Variants in PHF12 observed in about 807,000 individuals in gnomAD.
The protein encoded by PHF12 is PHD finger protein 12, also known as PHD factor 1.
Under a neutral mutation model 99.8 loss-of-function variants are expected in PHF12, and 6 were observed. That is an observed-to-expected ratio of 0.06 (90% CI 0.03 to 0.12). The LOEUF (loss-of-function observed/expected upper bound fraction) is 0.12. Among genes scored for constraint, PHF12 ranks in the 10% least tolerant of loss-of-function variants. PHF12 has a pLI of 1.00. For missense variants in PHF12, 954 were observed against 1,300.1 expected (o/e 0.73, Z 4.09); for synonymous variants, 480 against 514.9 (o/e 0.93, Z 0.92).
chr17:28,943,823 T>C (rs898640403), intron 2 of PHF12, among the ~76,000 whole-genome samples: 2 of 152,234 alleles, frequency 1.3e-5, no homozygotes, highest in Non-Finnish European at 2.9e-5. Flanking sequence ...AATGTAAGTA[T>C]TGATAAATGC....
At chr17:28,923,241 G>A (rs116637408) in intron 4 of PHF12, among the ~76,000 whole-genome samples, 34 of 152,316 alleles carry the variant, frequency 2.2e-4, no homozygotes, top group African/African-American at 7.7e-4. Flanking sequence ...GTGGTTACCT[G>A]TGAAGAGCAG....
chr17:28,939,462 A>G (rs2040572998), intron 2 of PHF12, among the ~76,000 whole-genome samples: 2 of 152,230 alleles, frequency 1.3e-5, no homozygotes, highest in African/African-American at 4.8e-5. Flanking sequence ...CCAGTAATTG[A>G]TGACTGCTAA....
intron 4 of PHF12, among the ~76,000 whole-genome samples, chr17:28,923,340 T>C (rs1321666465): frequency 9.2e-6 from 1 of 108,350 alleles, no homozygotes; most frequent in African/African-American, 3.7e-5. Flanking sequence ...ACCATGTGAA[T>C]GTATAATACT....
intron 4 of PHF12, among the ~76,000 whole-genome samples, chr17:28,923,106 A>G (rs1291708061): frequency 3.3e-5 from 5 of 151,282 alleles, no homozygotes; most frequent in Admixed American, 1.3e-4. Context: ...TTAAAGTGAG[A>G]AAAAAAAAGC....
chr17:28,929,631 CCT>C (rs1337455118), intron 2 of PHF12: 1 of 152,188 alleles, frequency 6.6e-6, no homozygotes, highest in Non-Finnish European at 1.5e-5. Context: ...TTCTTAGCTC[CCT>C]GTTTCCCCAG....
At chr17:28,916,175 G>T (rs571117254) in intron 7 of PHF12, among the ~76,000 whole-genome samples, 1 of 152,316 alleles carries the variant, frequency 6.6e-6, no homozygotes, top group East Asian at 1.9e-4. Context: ...GATACCCACT[G>T]AAGGTGATGG....
At chr17:28,924,678 C>G (rs532161777) in intron 3 of PHF12, 1 of 310,406 alleles carries the variant, frequency 3.2e-6, no homozygotes, top group Non-Finnish European at 6.2e-6. Context: ...GGGGCAGGCA[C>G]GGTGGCTCAC....
rs189843391 is a variant in PHF12 at position 28,928,464 on chromosome 17, C to G, written c.249-1401G>C. 4.7e-3 allele frequency among the ~76,000 whole-genome samples: 713 copies of G among 152,296 alleles called. 10 individuals are homozygous for G. Among genetic ancestry groups the G allele is most frequent in the African/African-American group, 0.016 (669 of 41,566 alleles). On this transcript the variant is annotated intron_variant, in intron 2 of 14. Coordinates refer to ENST00000332830, the MANE Select transcript of PHF12 (RefSeq NM_001033561.2). Reference sequence around the variant, plus strand: ...ACTTCTCATGCTTTGCCCATTTCAGCAGTTCTCTTACTTATTTTATTAGAG... The same window carrying G: ...ACTTCTCATGCTTTGCCCATTTCAGGAGTTCTCTTACTTATTTTATTAGAG...
chr17:28,913,163 T>C lies in PHF12; in HGVS notation c.1408A>G (p.Ile470Val), dbSNP rs767984334. Residue 470 changes from isoleucine (I) to valine (V), a missense_variant, in exon 9 of 15, where the codon ATT becomes GTT. Ile to Val is a conservative substitution (Grantham distance 29). Transcript: ENST00000332830. ...GTGGTGACTGAGCTGTCAGTCACAA[T>C]AACAGGCTTAATATCAGCCTTCTCT... ...QTEKADIKPV[I>V]VTDSSVTTSL... The C allele has an allele frequency of 3.1e-6, 5 of 1,614,162 alleles. No homozygotes were observed. The highest frequency in any genetic ancestry group is 4.2e-6 in the Non-Finnish European group (5 of 1,180,018).
At chr17:28,911,305 G>A in intron 9 of PHF12, 68 bp from the exon 10 acceptor site, 1 of 1,594,156 alleles carries the variant, frequency 6.3e-7, no homozygotes, top group Middle Eastern at 2.0e-4. Flanking sequence ...ATCCCCCACT[G>A]CTGAGACAGG....
At chr17:28,931,857 C>T (rs979001322) in intron 2 of PHF12, among the ~76,000 whole-genome samples, 2 of 152,112 alleles carry the variant, frequency 1.3e-5, no homozygotes, top group Non-Finnish European at 2.9e-5. Flanking sequence ...ACTGGGATTA[C>T]AGGTGTGAGC....
At chr17:28,915,532 G>C (rs1398284855) in intron 7 of PHF12, among the ~76,000 whole-genome samples, 1 of 152,108 alleles carries the variant, frequency 6.6e-6, no homozygotes, top group African/African-American at 2.4e-5. Context: ...CCATGGGCTG[G>C]TGATGGCCTT....
chr17:28,912,048 C>T, intron 9 of PHF12: 1 of 965,838 alleles, frequency 1.0e-6, no homozygotes, highest in Non-Finnish European at 1.2e-6. Flanking sequence ...TGAGAATATG[C>T]ATCAGGCATG....
Position 28,951,098 on chromosome 17 carries a change from TC to T in PHF12, c.-139del, listed in dbSNP as rs1312602657. The T allele has an allele frequency of 1.0e-5, 15 of 1,447,400 alleles. No individual in the cohort carries two copies. Among genetic ancestry groups the T allele is most frequent in the East Asian group, 7.7e-5 (3 of 38,846 alleles). The allele number at this position is 1,447,400 out of a possible 1,614,324, so 89.7% of individuals were successfully genotyped here. On this transcript the variant is annotated 5_prime_UTR_variant, in exon 1 of 15. Transcript: ENST00000332830. ...CGGGTCCCGACTTCCTCGCCCTGGC[TC>T]CCCCCCACCCCCCGGCCCCCAGTCC...
chr17:28,921,298 G>GACT (rs2040159778), intron 5 of PHF12, among the ~76,000 whole-genome samples: 3 of 152,136 alleles, frequency 2.0e-5, no homozygotes, highest in Admixed American at 1.3e-4. Flanking sequence ...GAGTAGCTGG[G>GACT]ACTACAGGTG....
chr17:28,925,166 C>A (rs545243662), intron 3 of PHF12: 1 of 152,334 alleles, frequency 6.6e-6, no homozygotes, highest in South Asian at 2.1e-4. Context: ...TAACACTGAT[C>A]TCCAGGTAGG....
rs1727212134 is a variant in PHF12 at position 28,949,357 on chromosome 17, G to A, written c.248+708C>T. Among the ~76,000 whole-genome samples, 1 of 152,182 alleles carries A rather than the reference G, an allele frequency of 6.6e-6. No homozygotes were observed. On this transcript the variant is annotated intron_variant, in intron 2 of 14. Transcript: ENST00000332830. The surrounding 1 kb of genome is among the most constrained non-coding windows in gnomAD (Gnocchi z 4.6). ...AGGCAGCTCTGAGAGGCAACAGGGG[G>A]CAAGCGGAGGCAGAGAAAGGGGATC...
chr17:28,921,561 C>T (rs1284135098), intron 5 of PHF12, 127 bp downstream of exon 5: 1 of 1,227,674 alleles, frequency 8.1e-7, no homozygotes, highest in Admixed American at 2.1e-5. Context: ...TAGTTAGTCT[C>T]CATGTACTCA....
intron 2 of PHF12, among the ~76,000 whole-genome samples, chr17:28,947,020 G>A (rs1176446201): frequency 6.6e-6 from 1 of 151,698 alleles, no homozygotes; most frequent in African/African-American, 2.4e-5. Flanking sequence ...GTCTTACTCT[G>A]TCACCTAGGC....
Sources: allele counts gnomAD v4.1 joint callset (sites outside exome capture counted in the v4.1 genomes callset), GRCh38; gene constraint gnomAD v4.1.1; non-coding constraint Gnocchi (gnomAD v3.1); transcripts MANE v1.5; gene names NCBI Gene and HGNC (gene_info 2026-07-23, HGNC 2026-07-21).